Variants in LY96 observed in about 807,000 individuals in gnomAD.
LY96 encodes lymphocyte antigen 96, also known as myeloid differentiation protein-2.
LY96 carries 18 observed loss-of-function variants against 18.9 expected under a neutral mutation model. The observed-to-expected ratio is 0.95, with a 90% confidence interval of 0.66 to 1.41. LY96 has a LOEUF of 1.41. Ranked by LOEUF, LY96 falls within the 40% of genes most tolerant of loss-of-function variation. The pLI is 0.00. For missense variants in LY96, 175 were observed against 182.4 expected, an observed-to-expected ratio of 0.96 and a Z score of 0.23; for synonymous variants, 66 against 62.6, an observed-to-expected ratio of 1.06 and a Z score of -0.26.
chr8:74,052,364 T>C, the LY96 span: 1 of 152,242 alleles, frequency 6.6e-6, no homozygotes, highest in South Asian at 2.1e-4. Context: ...CTGTAACCTT[T>C]AGCTTCCCCC....
the LY96 span, among the ~76,000 whole-genome samples, chr8:74,037,919 C>T: frequency 6.6e-6 from 1 of 152,154 alleles, no homozygotes; most frequent in Non-Finnish European, 1.5e-5. Flanking sequence ...CCTTCTCTTG[C>T]TAATAGTTGC....
chr8:74,068,070 A>T, the LY96 span, among the ~76,000 whole-genome samples: 1 of 130,692 alleles, frequency 7.7e-6, no homozygotes, highest in Admixed American at 7.3e-5. Flanking sequence ...TCAAAAAAAA[A>T]AAAAAAAAAA....
chr8:74,097,172 A>T, the LY96 span, among the ~76,000 whole-genome samples: 1 of 152,140 alleles, frequency 6.6e-6, no homozygotes, highest in African/African-American at 2.4e-5. Flanking sequence ...TTGAAAGTAG[A>T]TATGTGGATG....
At chr8:74,021,963 C>G (rs1261199746) in intron 3 of LY96, among the ~76,000 whole-genome samples, 1 of 151,926 alleles carries the variant, frequency 6.6e-6, no homozygotes, top group African/African-American at 2.4e-5. Flanking sequence ...GGAGAAATAC[C>G]TAATGTAAAT....
At chr8:74,050,640 T>A in the LY96 span, among the ~76,000 whole-genome samples, 1 of 152,218 alleles carries the variant, frequency 6.6e-6, no homozygotes, top group Non-Finnish European at 1.5e-5. Flanking sequence ...GTTTTCATAT[T>A]GTTGCTAATT....
chr8:74,007,094 G>A (rs1991262), intron 2 of LY96, among the ~76,000 whole-genome samples: 2 of 152,102 alleles, frequency 1.3e-5, no homozygotes, highest in African/African-American at 2.4e-5. Flanking sequence ...ACACTCTTGG[G>A]CTGGGCCAAA....
In LY96 at chr8:74,009,999, A is replaced by G. The variant is rs745620835; in HGVS notation, c.203-2A>G. 6.9e-6 allele frequency: 11 copies of G among 1,593,330 alleles called. No individual in the cohort carries two copies. The African/African-American group carries it at 1.3e-4, about 19-fold the overall frequency. On this transcript the variant is annotated splice_acceptor_variant, in intron 2 of 4. Transcript: ENST00000284818. LOFTEE classifies it high-confidence loss of function. ...GGCCTAATGGGATTTTTTCTTTTAA[A>G]GGGAGAGATTTAAAGCAATTATATT...
the LY96 span, among the ~76,000 whole-genome samples, chr8:74,080,418 T>C: frequency 6.6e-6 from 1 of 152,182 alleles, no homozygotes; most frequent in Non-Finnish European, 1.5e-5. Context: ...GGTTTTGCTT[T>C]ATGGCTGAGT....
At chr8:74,090,077 G>T in the LY96 span, among the ~76,000 whole-genome samples, 1 of 152,072 alleles carries the variant, frequency 6.6e-6, no homozygotes, top group Non-Finnish European at 1.5e-5. Context: ...GGGGAGGTTT[G>T]TGGTCTGACT....
chr8:74,015,251 TG>T (rs1816618583), intron 3 of LY96, among the ~76,000 whole-genome samples: 1 of 152,172 alleles, frequency 6.6e-6, no homozygotes, highest in Admixed American at 6.5e-5. Flanking sequence ...GGGATTTTGC[TG>T]GGGCTGCTGT....
chr8:74,070,367 A>T, the LY96 span, among the ~76,000 whole-genome samples: 1 of 152,250 alleles, frequency 6.6e-6, no homozygotes, highest in African/African-American at 2.4e-5. Context: ...CTAGGATTAC[A>T]GGCGTGAGCC....
At chr8:74,055,882 G>A in the LY96 span, 1 of 152,478 alleles carries the variant, frequency 6.6e-6, no homozygotes. Context: ...TGAGCAGCAT[G>A]ATGGTGGTTG....
chr8:74,026,948 T>C (rs970590594), intron 4 of LY96, 107 bp downstream of exon 4: 23 of 653,838 alleles, frequency 3.5e-5, no homozygotes, highest in Non-Finnish European at 6.0e-5. Context: ...TTCTTTTTTT[T>C]TTTTAAATGG....
chr8:74,053,284 C>T, the LY96 span, among the ~76,000 whole-genome samples: 1 of 152,170 alleles, frequency 6.6e-6, no homozygotes, highest in South Asian at 2.1e-4. Context: ...CTCTCAATGT[C>T]TTTTAGATTT....
chr8:74,050,250 C>T, the LY96 span, among the ~76,000 whole-genome samples: 12 of 151,154 alleles, frequency 7.9e-5, no homozygotes, highest in South Asian at 2.1e-4. Flanking sequence ...GGCTGAGGCA[C>T]GAGAATTACT....
At chr8:74,024,600 C>T (rs143990497) in intron 3 of LY96, among the ~76,000 whole-genome samples, 2 of 152,146 alleles carry the variant, frequency 1.3e-5, no homozygotes, top group East Asian at 1.9e-4. Flanking sequence ...TATCGCCCAT[C>T]AGCATTTTAC....
the LY96 span, among the ~76,000 whole-genome samples, chr8:74,040,023 A>G: frequency 1.3e-5 from 2 of 152,126 alleles, no homozygotes; most frequent in Non-Finnish European, 2.9e-5. Flanking sequence ...TTACCGCTTG[A>G]CCAAGGAGCC....
the LY96 span, among the ~76,000 whole-genome samples, chr8:74,093,314 C>T: frequency 6.6e-6 from 1 of 152,178 alleles, no homozygotes; most frequent in Non-Finnish European, 1.5e-5. Flanking sequence ...ATGATGATCT[C>T]CTTTAGGAGG....
At chr8:74,058,489 T>A in the LY96 span, among the ~76,000 whole-genome samples, 1 of 151,532 alleles carries the variant, frequency 6.6e-6, no homozygotes, top group Non-Finnish European at 1.5e-5. Flanking sequence ...GATACTTACA[T>A]ATCTACACCT....
Sources: allele counts gnomAD v4.1 joint callset (sites outside exome capture counted in the v4.1 genomes callset), GRCh38; gene constraint gnomAD v4.1.1; transcripts MANE v1.5; gene names NCBI Gene and HGNC (gene_info 2026-07-23, HGNC 2026-07-21).